SRCIN1: variants seen among roughly 807,000 people sequenced by gnomAD.
SRCIN1 encodes P130Cas-associated protein.
In SRCIN1, 50 loss-of-function variants were observed where a neutral mutation model predicts 116.2. That is an observed-to-expected ratio of 0.43 (90% confidence interval 0.34 to 0.54). The LOEUF is 0.54. Ranked by LOEUF, SRCIN1 falls within the 20% of genes least tolerant of loss-of-function variation. The pLI, the probability that SRCIN1 is intolerant of heterozygous loss-of-function variation, is 0.02. For synonymous variants in SRCIN1, 736 were observed against 750.0 expected (o/e 0.98, Z 0.30); for missense variants, 1,446 against 1,672.0 (o/e 0.86, Z 2.36).
intron 18 of SRCIN1, chr17:38,541,556 G>A (rs1904745263): frequency 6.5e-6 from 1 of 152,842 alleles, no homozygotes; most frequent in Non-Finnish European, 1.5e-5. Context: ...ACCTGGGTGG[G>A]GGCAGGGACT....
intron 1 of SRCIN1, among the ~76,000 whole-genome samples, chr17:38,598,326 T>C (rs1908832309): frequency 6.6e-6 from 1 of 152,152 alleles, no homozygotes; most frequent in Non-Finnish European, 1.5e-5. Context: ...CCCTACGAGC[T>C]GGGGTCATTC....
At chr17:38,557,326 G>C (rs972724337) in intron 11 of SRCIN1, among the ~76,000 whole-genome samples, 10 of 152,234 alleles carry the variant, frequency 6.6e-5, no homozygotes, top group Non-Finnish European at 1.0e-4. Context: ...GTTGAAAAGA[G>C]AGGTGAAAAA....
rs867407543 is a variant in SRCIN1 at position 38,605,721 on chromosome 17, G to C, written c.-16C>G. The C allele has an allele frequency of 1.2e-5, 14 of 1,194,054 alleles. No individual in the cohort carries two copies. The Middle Eastern group carries it at 1.4e-3, about 121-fold the overall frequency. 74.0% of individuals were successfully genotyped at this position (1,194,054 alleles called of 1,614,324 possible). A position where few individuals can be genotyped will look rare whatever the true frequency, so the allele number is the denominator to read the frequency against. ...CGTTCCCCATCGGGCGGGGGCGCGG[G>C]GGGCGGGGGCCCCGGGCCGGCCTGC... On this transcript the variant is annotated 5_prime_UTR_variant, in exon 1 of 19. Transcript: ENST00000617146.
intron 14 of SRCIN1, 109 bp downstream of exon 14, chr17:38,551,777 C>T: frequency 6.3e-7 from 1 of 1,581,198 alleles, no homozygotes; most frequent in Non-Finnish European, 8.6e-7. Flanking sequence ...GGCCCTCCTC[C>T]CCCAAGGAAA....
intron 2 of SRCIN1, among the ~76,000 whole-genome samples, chr17:38,577,136 C>G (rs1031322688): frequency 1.0e-3 from 156 of 152,134 alleles, no homozygotes; most frequent in African/African-American, 3.6e-3. Flanking sequence ...CTTTCTAAGC[C>G]TGATTTAGAT....
chr17:38,580,060 C>T (rs544057601), intron 1 of SRCIN1, among the ~76,000 whole-genome samples: 3 of 152,258 alleles, frequency 2.0e-5, no homozygotes, highest in South Asian at 2.1e-4. Flanking sequence ...CTCCCGCCCC[C>T]GTGTGGCCTG....
rs568533019 is a variant in SRCIN1 at position 38,585,263 on chromosome 17, C to A, written c.23-6472G>T. Among the ~76,000 whole-genome samples the A allele has an allele frequency of 2.8e-3, 431 of 151,788 alleles. 4 individuals are homozygous for A. The highest frequency in any genetic ancestry group is 3.4e-3 in the Middle Eastern group (1 of 294). ...AGGACCTGCCTGCCTTAGGCCACACCCACACACACACACAAACACACAGCA... is the reference window on the plus strand; with the variant it reads ...AGGACCTGCCTGCCTTAGGCCACACACACACACACACACAAACACACAGCA... On this transcript the variant is annotated intron_variant, in intron 1 of 18. Transcript: ENST00000617146. The surrounding 1 kb of genome is among the most constrained non-coding windows in gnomAD (Gnocchi z 4.2).
In SRCIN1 at chr17:38,572,327, C is replaced by G. The variant is rs948994330; in HGVS notation, c.325-4096G>C. On this transcript the variant is annotated intron_variant, in intron 2 of 18. Coordinates refer to ENST00000617146, the MANE Select transcript of SRCIN1 (RefSeq NM_025248.3). The surrounding 1 kb of genome is among the most constrained non-coding windows in gnomAD (Gnocchi z 4.3). ...TCTCTTCCAGATGTGTGGATGACAC[C>G]CTCATCTCCTTCCCAATGCAGAGTG... Among the ~76,000 whole-genome samples the G allele has an allele frequency of 6.7e-6, 1 of 148,342 alleles. No individual in the cohort carries two copies. Among genetic ancestry groups the G allele is most frequent in the Non-Finnish European group, 1.5e-5 (1 of 67,128 alleles).
chr17:38,533,438 C>A lies in SRCIN1; in HGVS notation c.3418-7G>T. On this transcript the variant is annotated splice_polypyrimidine_tract_variant and splice_region_variant and intron_variant, in intron 18 of 18. Coordinates refer to ENST00000617146, the MANE Select transcript of SRCIN1 (RefSeq NM_025248.3). ...CTTTAGATGGTTTAGTGGCCTGGAA[C>A]AAAAACAGGGGTCAGGGGTCAGAGA... 1 of 1,611,250 alleles carries A rather than the reference C, an allele frequency of 6.2e-7. No individual in the cohort carries two copies. The highest frequency in any genetic ancestry group is 8.5e-7 in the Non-Finnish European group (1 of 1,178,952).
rs776473107 is a variant in SRCIN1, at chr17:38,552,642, A to T, written c.2333-48T>A. The stretch of plus-strand genomic sequence containing the variant: ...GCTGGGGCCAGAGGGAGCACCACAG[A>T]CTGGGAGGAGAGGATGGTGGCTGGA... On this transcript the variant is annotated intron_variant, in intron 12 of 18. Transcript: ENST00000617146. The surrounding 1 kb of genome is among the most constrained non-coding windows in gnomAD (Gnocchi z 5.3). 6.2e-7 allele frequency: 1 copy of T among 1,613,006 alleles called. No individual in the cohort carries two copies. The highest frequency in any genetic ancestry group is 1.1e-5 in the South Asian group (1 of 91,062).
chr17:38,580,173 CA>C (rs71352305), intron 1 of SRCIN1, among the ~76,000 whole-genome samples: 10,191 of 152,282 alleles, frequency 0.067, 370 homozygotes, highest in African/African-American at 0.089. Context: ...GCCAAGCATC[CA>C]CTGTCAGGAG....
At chr17:38,559,557 T>C (rs1462630931) in intron 10 of SRCIN1, 28 bp downstream of exon 10, 13 of 1,588,400 alleles carry the variant, frequency 8.2e-6, no homozygotes, top group Admixed American at 1.7e-5. Context: ...TGGGCGTTGG[T>C]GGGGCGGGGC....
At chr17:38,538,285 T>G (rs1223704886) in intron 18 of SRCIN1, among the ~76,000 whole-genome samples, 1 of 138,312 alleles carries the variant, frequency 7.2e-6, no homozygotes, top group Non-Finnish European at 1.6e-5. Context: ...GGCGTGGTTG[T>G]GGGCACCTGT....
rs200012024 is a variant in SRCIN1, at chr17:38,578,474, C to T, written c.324+16G>A. On this transcript the variant is annotated intron_variant, in intron 2 of 18. Coordinates refer to ENST00000617146, the MANE Select transcript of SRCIN1 (RefSeq NM_025248.3). Reference sequence around the variant, plus strand: ...GCCGCGGCCGCAGCCGCAGCCGCAGCCGGGAGCCCACTCACCTGCTCTCGC... The same window carrying T: ...GCCGCGGCCGCAGCCGCAGCCGCAGTCGGGAGCCCACTCACCTGCTCTCGC... 658 of 1,560,970 alleles carry T rather than the reference C, an allele frequency of 4.2e-4. 1 individual carries two copies. Among genetic ancestry groups the T allele is most frequent in the Non-Finnish European group, 5.1e-4 (591 of 1,149,970 alleles).
In SRCIN1 at chr17:38,568,982, T is replaced by TG. The variant is rs1343085163; in HGVS notation, c.325-752dup. On this transcript the variant is annotated intron_variant, in intron 2 of 18. Coordinates refer to ENST00000617146, the MANE Select transcript of SRCIN1 (RefSeq NM_025248.3). This position sits in a 1 kb window ranked among gnomAD's most constrained non-coding sequence, Gnocchi z 4.5. ...CCCAAGGCCAAGAGAGAGAGGCCTATGCAGCATGGTGGATCTAGTTTACAG... is the reference window on the plus strand; with the variant it reads ...CCCAAGGCCAAGAGAGAGAGGCCTATGGCAGCATGGTGGATCTAGTTTACAG... Among the ~76,000 whole-genome samples, 1 of 151,854 alleles carries TG rather than the reference T, an allele frequency of 6.6e-6. No individual in the cohort carries two copies. The highest frequency in any genetic ancestry group is 1.5e-5 in the Non-Finnish European group (1 of 67,968).
At chr17:38,535,205 CTTTCTTTT>C (rs910376681) in intron 18 of SRCIN1, among the ~76,000 whole-genome samples, 1 of 128,646 alleles carries the variant, frequency 7.8e-6, no homozygotes, top group African/African-American at 3.8e-5. Context: ...TTTTCTTTTT[CTTTCTTTT>C]TTTTTTTTTT....
chr17:38,586,937 G>A (rs1908145762), intron 1 of SRCIN1, among the ~76,000 whole-genome samples: 2 of 152,038 alleles, frequency 1.3e-5, no homozygotes, highest in Admixed American at 1.3e-4. Flanking sequence ...TACTGGTGGA[G>A]CTGCTGGGGC....
chr17:38,603,241 G>A (rs918055748), intron 1 of SRCIN1, among the ~76,000 whole-genome samples: 9 of 152,172 alleles, frequency 5.9e-5, no homozygotes, highest in South Asian at 4.2e-4. Context: ...GAGAGAGAGC[G>A]CGAGAGTGCA....
rs1393311379 is a variant in SRCIN1, at chr17:38,564,324, C to T, written c.346-11G>A. The T allele has an allele frequency of 5.2e-6, 8 of 1,535,390 alleles. No individual in the cohort carries two copies. The highest frequency in any genetic ancestry group is 3.6e-5 in the South Asian group (3 of 83,212). ...GCGTGAGCTGCGGGTCTGCAGGGGC[C>T]GGGCAGGGTGAGAGGAACCAAGGAT... On this transcript the variant is annotated splice_polypyrimidine_tract_variant and intron_variant, in intron 3 of 18. Coordinates refer to ENST00000617146, the MANE Select transcript of SRCIN1 (RefSeq NM_025248.3).
Sources: gnomAD v4.1 joint callset for allele counts (sites outside exome capture counted in the v4.1 genomes callset) on GRCh38, gnomAD v4.1.1 for gene constraint, Gnocchi (gnomAD v3.1) non-coding constraint, MANE v1.5 for transcripts, NCBI Gene and HGNC (gene_info 2026-07-23, HGNC 2026-07-21) for gene names.